Variants in LRRC37A2 observed in about 807,000 individuals in gnomAD.
The protein encoded by LRRC37A2 is leucine-rich repeat-containing protein 37A2.
LRRC37A2 carries 9 observed loss-of-function variants against 68.8 expected under a neutral mutation model. That is an observed-to-expected ratio of 0.13 (90% CI 0.08 to 0.23). The LOEUF is 0.23. LRRC37A2 is among the 10% of genes least tolerant of loss of function. LRRC37A2 has a pLI of 1.00. For missense variants in LRRC37A2, 168 were observed against 950.4 expected (o/e 0.18, Z 10.82); for synonymous variants, 63 against 367.6 (o/e 0.17, Z 9.48).
At chr17:46,813,055 G>T in the LRRC37A2 span, among the ~76,000 whole-genome samples, 1 of 152,130 alleles carries the variant, frequency 6.6e-6, no homozygotes, top group Non-Finnish European at 1.5e-5. Flanking sequence ...AGTGTTTGGG[G>T]CGAGGTTTGG....
the LRRC37A2 span, among the ~76,000 whole-genome samples, chr17:46,501,293 A>C: frequency 1.3e-5 from 2 of 151,076 alleles, no homozygotes; most frequent in Non-Finnish European, 2.9e-5. Flanking sequence ...CTCCTGCCTC[A>C]GCCTCCTGAG....
the LRRC37A2 span, among the ~76,000 whole-genome samples, chr17:46,782,492 A>G: frequency 6.6e-6 from 1 of 152,224 alleles, no homozygotes; most frequent in African/African-American, 2.4e-5. Flanking sequence ...CTCCACGGAA[A>G]CTTCTAGAAG....
chr17:47,027,572 TA>T, the LRRC37A2 span: 1 of 1,354,526 alleles, frequency 7.4e-7, no homozygotes, highest in South Asian at 1.2e-5. Flanking sequence ...TATCCTGCAA[TA>T]AAATACAGTC....
At chr17:46,830,501 C>G in the LRRC37A2 span, 1 of 394,432 alleles carries the variant, frequency 2.5e-6, no homozygotes, top group Non-Finnish European at 4.5e-6. Flanking sequence ...AGATCCTCCC[C>G]TCTCAAAGGG....
the LRRC37A2 span, among the ~76,000 whole-genome samples, chr17:46,388,455 A>G: frequency 2.3e-4 from 12 of 52,200 alleles, no homozygotes; most frequent in Admixed American, 2.0e-3. Context: ...CCAGCTACTC[A>G]GGAGGCTGAG....
the LRRC37A2 span, among the ~76,000 whole-genome samples, chr17:46,828,517 T>G: frequency 6.6e-6 from 1 of 152,054 alleles, no homozygotes; most frequent in Non-Finnish European, 1.5e-5. Flanking sequence ...CTTCTTTTTC[T>G]TGATTTGAGG....
chr17:46,974,139 C>T, the LRRC37A2 span, among the ~76,000 whole-genome samples: 7 of 152,348 alleles, frequency 4.6e-5, no homozygotes, highest in East Asian at 3.9e-4. Context: ...GTACTATCCC[C>T]GACTCAGAGG....
At chr17:46,746,060 T>C in the LRRC37A2 span, among the ~76,000 whole-genome samples, 1 of 152,198 alleles carries the variant, frequency 6.6e-6, no homozygotes, top group African/African-American at 2.4e-5. Context: ...CTACCTGACA[T>C]CCTTGTGCGT....
the LRRC37A2 span, among the ~76,000 whole-genome samples, chr17:46,963,018 G>T: frequency 1.3e-5 from 2 of 150,296 alleles, no homozygotes; most frequent in African/African-American, 4.8e-5. Flanking sequence ...ATGCCACATG[G>T]CTAATAAAGA....
the LRRC37A2 span, chr17:46,762,794 A>C: frequency 6.6e-6 from 1 of 152,156 alleles, no homozygotes; most frequent in Non-Finnish European, 1.5e-5. Context: ...CAATGCACTC[A>C]TGTACTATTA....
At chr17:46,454,047 AT>A in the LRRC37A2 span, among the ~76,000 whole-genome samples, 1 of 78,400 alleles carries the variant, frequency 1.3e-5, no homozygotes, top group Non-Finnish European at 2.5e-5. Flanking sequence ...TGAATTGTTT[AT>A]TTTATAATAT....
the LRRC37A2 span, among the ~76,000 whole-genome samples, chr17:46,914,515 G>T: frequency 1.3e-5 from 2 of 151,900 alleles, no homozygotes; most frequent in Non-Finnish European, 2.9e-5. Flanking sequence ...GCCAGGCGTA[G>T]TGGTGCATGC....
the LRRC37A2 span, chr17:46,939,949 A>G: frequency 2.0e-6 from 2 of 1,007,790 alleles, no homozygotes; most frequent in Non-Finnish European, 2.4e-6. Flanking sequence ...AGCCCTGGGC[A>G]CAGCAGCTTC....
At chr17:46,526,534 A>G (rs2052788083) in intron 6 of LRRC37A2, among the ~76,000 whole-genome samples, 1 of 104,576 alleles carries the variant, frequency 9.6e-6, no homozygotes, top group African/African-American at 3.7e-5. Context: ...TTTTTACTAG[A>G]TAAGGCTCAG....
the LRRC37A2 span, among the ~76,000 whole-genome samples, chr17:46,742,430 G>A: frequency 1.3e-5 from 2 of 152,218 alleles, no homozygotes; most frequent in Non-Finnish European, 2.9e-5. Context: ...AAGGCAGTAT[G>A]CTAGCCCTGG....
At chr17:46,917,913 C>G in the LRRC37A2 span, among the ~76,000 whole-genome samples, 4 of 152,188 alleles carry the variant, frequency 2.6e-5, no homozygotes, top group Non-Finnish European at 1.5e-5. Flanking sequence ...GAGATAGTTC[C>G]TGGACCCAGA....
At chr17:46,896,449 A>G in the LRRC37A2 span, among the ~76,000 whole-genome samples, 7 of 93,346 alleles carry the variant, frequency 7.5e-5, no homozygotes, top group African/African-American at 8.1e-4. Context: ...AAAGAAAGAA[A>G]GAAAAAGAAA....
the LRRC37A2 span, among the ~76,000 whole-genome samples, chr17:46,729,279 T>A: frequency 6.6e-6 from 1 of 152,228 alleles, no homozygotes; most frequent in African/African-American, 2.4e-5. Flanking sequence ...GCATTGAATA[T>A]GTTCCCATAT....
the LRRC37A2 span, among the ~76,000 whole-genome samples, chr17:47,038,028 G>A: frequency 2.6e-5 from 4 of 152,096 alleles, no homozygotes. Context: ...TATTTGTGCA[G>A]TGCAGTGGCT....
Sources: gnomAD v4.1 joint callset for allele counts (sites outside exome capture counted in the v4.1 genomes callset) on GRCh38, gnomAD v4.1.1 for gene constraint, MANE v1.5 for transcripts, NCBI Gene and HGNC (gene_info 2026-07-23, HGNC 2026-07-21) for gene names.